Variants in PCDH15 observed in about 807,000 individuals in gnomAD.
PCDH15 encodes protocadherin-15.
In PCDH15, 129 loss-of-function variants were observed where a neutral mutation model predicts 178.5. The observed-to-expected ratio is 0.72, with a 90% confidence interval of 0.63 to 0.84. PCDH15 has a LOEUF of 0.84. PCDH15 is among the 40% of genes least tolerant of loss of function. PCDH15 has a pLI of 0.00. For missense variants in PCDH15, 2,230 were observed against 2,099.9 expected (o/e 1.06, Z -1.21); for synonymous variants, 800 against 732.0 (o/e 1.09, Z -1.50).
intron 2 of PCDH15, among the ~76,000 whole-genome samples, chr10:55,140,413 T>A (rs1173103599): frequency 1.3e-5 from 2 of 151,924 alleles, no homozygotes; most frequent in Non-Finnish European, 2.9e-5. Flanking sequence ...TTTCTGACTT[T>A]TTCTCATAAT....
At chr10:54,974,768 G>A (rs1469493822) in intron 2 of PCDH15, among the ~76,000 whole-genome samples, 2 of 152,108 alleles carry the variant, frequency 1.3e-5, no homozygotes, top group Admixed American at 1.3e-4. Flanking sequence ...CCCTTACCAT[G>A]TAATGTGGTG....
chr10:55,346,627 T>G (rs555352426), intron 2 of PCDH15, among the ~76,000 whole-genome samples: 1 of 151,690 alleles, frequency 6.6e-6, no homozygotes, highest in South Asian at 2.1e-4. Flanking sequence ...ACAAACGAAT[T>G]ACCCCACGCA....
At chr10:54,616,830 C>T (rs1394966218) in intron 2 of PCDH15, among the ~76,000 whole-genome samples, 1 of 151,948 alleles carries the variant, frequency 6.6e-6, no homozygotes, top group Non-Finnish European at 1.5e-5. Flanking sequence ...TATATTCTTC[C>T]TTCTTGTTAC....
At chr10:55,248,510 T>G (rs1018227491) in intron 1 of PCDH15, among the ~76,000 whole-genome samples, 1 of 152,176 alleles carries the variant, frequency 6.6e-6, no homozygotes, top group Non-Finnish European at 1.5e-5. Flanking sequence ...ATGTATGGAA[T>G]TATAAATGGA....
rs1039017819 is a variant in PCDH15 at position 54,488,610 on chromosome 10, G to A, written c.157+39202C>T. Reference sequence around the variant, plus strand: ...GGTAATTTAAAATATACTAGAATCAGTACTGGCAGATAAGAAGAATTGTGT... The same window carrying A: ...GGTAATTTAAAATATACTAGAATCAATACTGGCAGATAAGAAGAATTGTGT... On this transcript the variant is annotated intron_variant, in intron 3 of 37. Coordinates refer to ENST00000644397, the MANE Select transcript of PCDH15 (RefSeq NM_001384140.1). Among the ~76,000 whole-genome samples the A allele has an allele frequency of 2.0e-5, 3 of 151,972 alleles. No homozygotes were observed. In the South Asian group the frequency reaches 6.2e-4, roughly 32 times the overall value.
intron 9 of PCDH15, among the ~76,000 whole-genome samples, chr10:54,235,037 G>C (rs1199613571): frequency 6.6e-6 from 1 of 152,090 alleles, no homozygotes; most frequent in Non-Finnish European, 1.5e-5. Context: ...GCAAGCTTCA[G>C]TTTTGATCTC....
intron 13 of PCDH15, among the ~76,000 whole-genome samples, chr10:54,178,882 C>T (rs545132508): frequency 6.6e-6 from 1 of 152,170 alleles, no homozygotes; most frequent in Non-Finnish European, 1.5e-5. Context: ...CATCTCACAC[C>T]AGTTAGAATG....
chr10:54,246,629 G>A (rs1158821208), intron 8 of PCDH15, among the ~76,000 whole-genome samples: 1 of 151,634 alleles, frequency 6.6e-6, no homozygotes, highest in Non-Finnish European at 1.5e-5. Context: ...ATGCTGTGAG[G>A]ATAATGCTCT....
intron 2 of PCDH15, among the ~76,000 whole-genome samples, chr10:55,358,717 T>A (rs1401200851): frequency 2.0e-5 from 3 of 152,224 alleles, no homozygotes; most frequent in African/African-American, 4.8e-5. Context: ...TCTTTGCACA[T>A]GTGTTAACAG....
chr10:53,860,005 T>G (rs1564627451), intron 27 of PCDH15, among the ~76,000 whole-genome samples: 1 of 152,166 alleles, frequency 6.6e-6, no homozygotes, highest in South Asian at 2.1e-4. Context: ...GACAATTCCA[T>G]ATGTCTACCA....
upstream of PCDH15, among the ~76,000 whole-genome samples, chr10:55,321,142 A>C (rs1316291580): frequency 6.6e-6 from 1 of 151,698 alleles, no homozygotes; most frequent in East Asian, 1.9e-4. Context: ...AGAAAAGAAA[A>C]GGAAAAGAAA....
At chr10:55,284,362 T>A (rs1211345659) in intron 1 of PCDH15, among the ~76,000 whole-genome samples, 1 of 152,048 alleles carries the variant, frequency 6.6e-6, no homozygotes, top group Admixed American at 6.6e-5. Context: ...GAAATAAAGG[T>A]GAATTTCACA....
At chr10:54,219,592 C>CA (rs763785938) in intron 9 of PCDH15, among the ~76,000 whole-genome samples, 1,432 of 31,886 alleles carry the variant, frequency 0.045, 62 homozygotes, top group Middle Eastern at 0.091. Flanking sequence ...GACTCCATCT[C>CA]AAAAAAAAAA....
chr10:55,584,003 C>T (rs889237266), intron 2 of PCDH15, among the ~76,000 whole-genome samples: 1 of 151,842 alleles, frequency 6.6e-6, no homozygotes, highest in Admixed American at 6.6e-5. Context: ...TCAGCCTCCC[C>T]AGTAGCTGGG....
chr10:55,273,998 G>A (rs1292870948), intron 1 of PCDH15, among the ~76,000 whole-genome samples: 9 of 152,162 alleles, frequency 5.9e-5, no homozygotes, highest in Non-Finnish European at 1.2e-4. Context: ...ACACATGTAT[G>A]TATGTATGTG....
chr10:54,131,723 T>C (rs1174444648), intron 15 of PCDH15, among the ~76,000 whole-genome samples: 1 of 152,174 alleles, frequency 6.6e-6, no homozygotes, highest in Non-Finnish European at 1.5e-5. Context: ...CAGTAATCAG[T>C]AGGATATAAC....
At chr10:53,821,625 T>C (rs2076274025) in intron 32 of PCDH15, 4 of 1,271,682 alleles carry the variant, frequency 3.1e-6, no homozygotes, top group South Asian at 2.0e-5. Context: ...TTCAAATAAA[T>C]GTAGAACAAA....
In PCDH15 at chr10:54,613,809, A is replaced by C. The variant is rs139244892; in HGVS notation, c.91+50363T>G. On this transcript the variant is annotated intron_variant, in intron 2 of 37. Transcript: ENST00000644397. ...AAAGTGGCAAATGGTTTCATTGATT[A>C]TTGTGAACTATCCGGCACCCACGAG... is the stretch of plus-strand genomic sequence containing the variant. Among the ~76,000 whole-genome samples the C allele has an allele frequency of 7.2e-3, 1,087 of 151,902 alleles. 20 individuals are homozygous for C. Among genetic ancestry groups the C allele is most frequent in the African/African-American group, 0.025 (1,019 of 41,510 alleles).
intron 2 of PCDH15, among the ~76,000 whole-genome samples, chr10:54,541,767 T>G (rs2085259273): frequency 6.6e-6 from 1 of 152,178 alleles, no homozygotes; most frequent in Non-Finnish European, 1.5e-5. Context: ...AATTTGTTAT[T>G]TTTTCTAATT....
Sources: allele counts gnomAD v4.1 joint callset (sites outside exome capture counted in the v4.1 genomes callset), GRCh38; gene constraint gnomAD v4.1.1; transcripts MANE v1.5; gene names NCBI Gene and HGNC (gene_info 2026-07-23, HGNC 2026-07-21).